NAALADL2: variants seen among roughly 807,000 people sequenced by gnomAD.
NAALADL2 encodes the protein N-acetylated alpha-linked acidic dipeptidase like 2.
Under a neutral mutation model 87.2 loss-of-function variants are expected in NAALADL2, and 76 were observed. That is an observed-to-expected ratio of 0.87 (90% CI 0.72 to 1.05). The LOEUF (loss-of-function observed/expected upper bound fraction) is 1.05. Among genes scored for constraint, NAALADL2 ranks in the 50% least tolerant of loss-of-function variants. The pLI, the probability that NAALADL2 is intolerant of heterozygous loss-of-function variation, is 0.00. For missense variants in NAALADL2, 1,089 were observed against 945.8 expected, an observed-to-expected ratio of 1.15 and a Z score of -1.99; for synonymous variants, 354 against 331.0, an observed-to-expected ratio of 1.07 and a Z score of -0.75.
intron 1 of NAALADL2, among the ~76,000 whole-genome samples, chr3:174,499,741 T>C (rs1459838486): frequency 6.6e-6 from 1 of 152,094 alleles, no homozygotes; most frequent in Non-Finnish European, 1.5e-5. Flanking sequence ...CCTGTATATG[T>C]GGGTCTTTCG....
At chr3:175,358,836 A>G (rs1764671727) in intron 5 of NAALADL2, among the ~76,000 whole-genome samples, 1 of 152,096 alleles carries the variant, frequency 6.6e-6, no homozygotes, top group Non-Finnish European at 1.5e-5. Flanking sequence ...TATCCTTCCA[A>G]ATTTGGCACA....
chr3:174,640,712 G>A (rs776714641), intron 2 of NAALADL2, among the ~76,000 whole-genome samples: 2 of 152,200 alleles, frequency 1.3e-5, no homozygotes, highest in Non-Finnish European at 2.9e-5. Flanking sequence ...CCAGGGCCAG[G>A]CCTTTGCATC....
rs532744671 is a variant in NAALADL2, at chr3:175,374,916, A to ATAAG, written c.1090+50593_1090+50596dup. 9.1e-3 allele frequency among the ~76,000 whole-genome samples: 1,357 copies of ATAAG among 148,412 alleles called. 28 individuals are homozygous for ATAAG. Among genetic ancestry groups the ATAAG allele is most frequent in the South Asian group, 0.016 (73 of 4,648 alleles). ...AATAAATAAATAAATAAATAAATAA[A>ATAAG]TAAGTCAAGTTGTGTAGTTTTACCT... On this transcript the variant is annotated intron_variant, in intron 5 of 13. Transcript: ENST00000454872.
intron 5 of NAALADL2, among the ~76,000 whole-genome samples, chr3:175,442,769 A>G (rs1720022826): frequency 6.6e-6 from 1 of 152,214 alleles, no homozygotes; most frequent in South Asian, 2.1e-4. Context: ...GCTAGCTACT[A>G]AAATAAAAGT....
Position 175,719,023 on chromosome 3 carries a change from T to C in NAALADL2, c.1897-18283T>C, listed in dbSNP as rs1741822590. On this transcript the variant is annotated intron_variant, in intron 11 of 13. Coordinates refer to ENST00000454872, the MANE Select transcript of NAALADL2 (RefSeq NM_207015.3). ...TCTCATCCGCTTTGTGCTAAAATGC[T>C]TTTTTAGTTGCGATTGGGCCAGGGG... Among the ~76,000 whole-genome samples, 3 of 152,170 alleles carry C rather than the reference T, an allele frequency of 2.0e-5. No individual in the cohort carries two copies. In the South Asian group the frequency reaches 6.2e-4, roughly 31 times the overall value.
At chr3:175,732,767 T>A (rs73881367) in intron 11 of NAALADL2, among the ~76,000 whole-genome samples, 1 of 151,970 alleles carries the variant, frequency 6.6e-6, no homozygotes, top group Non-Finnish European at 1.5e-5. Flanking sequence ...GGGATAAGAC[T>A]CTGCAAAGAT....
intron 1 of NAALADL2, among the ~76,000 whole-genome samples, chr3:174,447,775 A>G (rs1290693092): frequency 1.3e-5 from 2 of 152,158 alleles, no homozygotes; most frequent in Admixed American, 1.3e-4. Context: ...AGATCACACC[A>G]CTGCACTCCA....
intron 1 of NAALADL2, among the ~76,000 whole-genome samples, chr3:175,087,406 T>C (rs1719221025): frequency 6.6e-6 from 1 of 152,064 alleles, no homozygotes; most frequent in Non-Finnish European, 1.5e-5. Flanking sequence ...GTCTGGGAGG[T>C]GTACCCAACG....
chr3:175,198,029 G>A (rs1739278809), intron 2 of NAALADL2, among the ~76,000 whole-genome samples: 1 of 151,920 alleles, frequency 6.6e-6, no homozygotes, highest in African/African-American at 2.4e-5. Flanking sequence ...TTAACAATTA[G>A]ATTTAACATA....
At chr3:175,314,696 A>ATATTTCTAAC (rs1758888794) in intron 4 of NAALADL2, among the ~76,000 whole-genome samples, 1 of 87,848 alleles carries the variant, frequency 1.1e-5, no homozygotes. Context: ...ATATATATAT[A>ATATTTCTAAC]TATATATATA....
At chr3:174,532,473 GA>G (rs1721333488) in intron 1 of NAALADL2, among the ~76,000 whole-genome samples, 1 of 152,100 alleles carries the variant, frequency 6.6e-6, no homozygotes, top group Non-Finnish European at 1.5e-5. Flanking sequence ...GAGTAAGAGG[GA>G]CAAAGGCCCT....
At chr3:175,089,740 A>G (rs879871695) in intron 1 of NAALADL2, among the ~76,000 whole-genome samples, 11 of 152,210 alleles carry the variant, frequency 7.2e-5, no homozygotes, top group Admixed American at 6.5e-4. Context: ...CTGCAACTGC[A>G]GAAAAAGATA....
chr3:175,199,868 T>A (rs55876606), intron 2 of NAALADL2, among the ~76,000 whole-genome samples: 347 of 14,818 alleles, frequency 0.023, 1 homozygote, highest in East Asian at 0.042. Context: ...ATATATATTT[T>A]TTTTTTTTTT....
chr3:175,349,203 C>A (rs1169991636), intron 5 of NAALADL2, among the ~76,000 whole-genome samples: 1 of 96,482 alleles, frequency 1.0e-5, no homozygotes, highest in African/African-American at 4.2e-5. Context: ...TGGACAACTG[C>A]TATTAAAAAA....
At chr3:174,814,220 T>C (rs1448236808) in intron 3 of NAALADL2, among the ~76,000 whole-genome samples, 2 of 152,136 alleles carry the variant, frequency 1.3e-5, no homozygotes, top group Non-Finnish European at 2.9e-5. Flanking sequence ...ACCATTCTTC[T>C]GCCTCAGCCT....
chr3:175,533,897 T>C (rs948402666), intron 9 of NAALADL2, among the ~76,000 whole-genome samples: 3 of 152,156 alleles, frequency 2.0e-5, no homozygotes, highest in Non-Finnish European at 4.4e-5. Flanking sequence ...CTTTGTCCAC[T>C]GAGCTTAAGA....
At chr3:175,442,910 A>T (rs938878653) in intron 5 of NAALADL2, among the ~76,000 whole-genome samples, 3 of 152,242 alleles carry the variant, frequency 2.0e-5, no homozygotes, top group African/African-American at 7.2e-5. Context: ...TTCGAGGCAC[A>T]TAATCCATTT....
intron 2 of NAALADL2, among the ~76,000 whole-genome samples, chr3:174,631,234 A>C (rs992653944): frequency 6.6e-6 from 1 of 152,194 alleles, no homozygotes; most frequent in African/African-American, 2.4e-5. Flanking sequence ...CTTTCTAAAA[A>C]GTTGCTTAAG....
At chr3:175,016,259 T>TTATATATATA (rs368712908) in intron 1 of NAALADL2, among the ~76,000 whole-genome samples, 1 of 118,994 alleles carries the variant, frequency 8.4e-6, no homozygotes, top group African/African-American at 3.5e-5. Flanking sequence ...GATAAATTAT[T>TTATATATATA]TATATATATA....
Sources: gnomAD v4.1 joint callset for allele counts (sites outside exome capture counted in the v4.1 genomes callset) on GRCh38, gnomAD v4.1.1 for gene constraint, MANE v1.5 for transcripts, NCBI Gene and HGNC (gene_info 2026-07-23, HGNC 2026-07-21) for gene names.